Variants in SF3A1 observed in about 807,000 individuals in gnomAD.
The protein encoded by SF3A1 is splicing factor 3a subunit 1.
A neutral mutation model predicts 89.9 loss-of-function variants in SF3A1; 13 were observed. The observed-to-expected ratio is 0.14, with a 90% CI of 0.09 to 0.23. The LOEUF (loss-of-function observed/expected upper bound fraction) is 0.23, where lower values mean the gene tolerates loss of function less well. Among genes scored for constraint, SF3A1 ranks in the 10% least tolerant of loss-of-function variants. The pLI is 1.00. For missense variants in SF3A1, 604 were observed against 1,022.1 expected, an observed-to-expected ratio of 0.59 and a Z score of 5.58; for synonymous variants, 405 against 374.4, an observed-to-expected ratio of 1.08 and a Z score of -0.94.
intron 2 of SF3A1, among the ~76,000 whole-genome samples, chr22:30,351,631 G>A (rs1033057772): frequency 6.6e-6 from 1 of 152,124 alleles, no homozygotes; most frequent in Non-Finnish European, 1.5e-5. Context: ...CTCCTAAGTA[G>A]CTGGGATCAC....
intron 2 of SF3A1, among the ~76,000 whole-genome samples, chr22:30,346,803 T>C (rs1213712368): frequency 1.3e-5 from 2 of 152,206 alleles, no homozygotes. Context: ...ATCGCTCATT[T>C]CTTTTAATAA....
intron 7 of SF3A1, 100 bp downstream of exon 7, chr22:30,341,592 C>G: frequency 2.9e-6 from 2 of 684,986 alleles, no homozygotes; most frequent in Admixed American, 2.9e-5. Flanking sequence ...CGCCTCCTTT[C>G]AAGGCTCACA....
At chr22:30,350,294 AC>A (rs1188514673) in intron 2 of SF3A1, among the ~76,000 whole-genome samples, 1 of 142,716 alleles carries the variant, frequency 7.0e-6, no homozygotes, top group Non-Finnish European at 1.6e-5. Context: ...CCCCATCTAT[AC>A]AAAAAAACTA....
rs201878827 is a variant in SF3A1 at position 30,334,653 on chromosome 22, T to C, written c.2323A>G (p.Met775Val). The C allele has an allele frequency of 1.9e-6, 3 of 1,591,684 alleles. No individual in the cohort carries two copies. Among genetic ancestry groups the C allele is most frequent in the Non-Finnish European group, 2.6e-6 (3 of 1,172,482 alleles). ...KDSNSLAYYN[M>V]ANGAVIHLAL... The stretch of plus-strand genomic sequence containing the variant: ...AGGTGGATGACTGCGCCATTGGCCA[T>C]GTTGTAGTAAGCCAGTGAGTTGGAA... The change falls in exon 16 of 16, where the codon ATG becomes GTG. Residue 775 changes from methionine to valine, a missense_variant. Met to Val is a conservative substitution (Grantham distance 21). This residue lies in a region of SF3A1 where 74 missense variants were observed against 141.3 expected (regional missense o/e 0.52). Transcript: ENST00000215793.
intron 1 of SF3A1, chr22:30,356,505 C>T: frequency 5.0e-6 from 2 of 400,248 alleles, no homozygotes; most frequent in Non-Finnish European, 8.8e-6. Flanking sequence ...TTCTAAGAAG[C>T]TCCCGGCTCG....
At chr22:30,352,863 C>G in intron 2 of SF3A1, 88 bp downstream of exon 2, 1 of 1,507,116 alleles carries the variant, frequency 6.6e-7, no homozygotes, top group Non-Finnish European at 9.0e-7. Context: ...AAGCCAACAA[C>G]GTCTCTTTAA....
chr22:30,339,311 C>T, intron 9 of SF3A1, 60 bp from the exon 10 acceptor site: 1 of 1,600,758 alleles, frequency 6.2e-7, no homozygotes, highest in Non-Finnish European at 8.5e-7. Flanking sequence ...GGTGTCCTGA[C>T]AAGAGAGCAG....
In SF3A1 at chr22:30,336,667, A is replaced by G. The variant is rs201231012; in HGVS notation, c.2106+359T>C. ...TAGAGCTGGGGAGGAAGGCCACAGT[A>G]AATTTTAAAACACCACACACAATTT... On this transcript the variant is annotated intron_variant, in intron 13 of 15. Transcript: ENST00000215793. Among the ~76,000 whole-genome samples the G allele has an allele frequency of 4.6e-5, 7 of 152,148 alleles. No homozygotes were observed. The East Asian group carries it at 1.3e-3, about 29-fold the overall frequency.
intron 13 of SF3A1, among the ~76,000 whole-genome samples, chr22:30,336,279 G>A (rs1011303172): frequency 1.3e-5 from 2 of 152,210 alleles, no homozygotes; most frequent in Non-Finnish European, 2.9e-5. Context: ...AGCACTTTGG[G>A]AGGCCAGCGT....
At chr22:30,356,039 A>C (rs1601704995) in intron 1 of SF3A1, among the ~76,000 whole-genome samples, 1 of 152,250 alleles carries the variant, frequency 6.6e-6, no homozygotes, top group African/African-American at 2.4e-5. Flanking sequence ...TTTGTACCTG[A>C]AACTTCTATC....
rs2229807 is a variant in SF3A1 at position 30,337,122 on chromosome 22, C to A, written c.2010G>T (p.Val670=). The A allele has an allele frequency of 0.22, 357,136 of 1,613,584 alleles. 41,652 individuals carry two copies. The highest frequency in any genetic ancestry group is 0.27 in the Middle Eastern group (1,616 of 6,040). The change falls in exon 13 of 16, where the codon GTG becomes GTT. Residue 670 remains valine, a synonymous_variant. Coordinates refer to ENST00000215793, the MANE Select transcript of SF3A1 (RefSeq NM_005877.6). Reference sequence around the variant, plus strand: ...CATCTTCCATGGGAGGTGGGGGATGCACAGGGGGCATTGGGGCTGGAGCTG... The same window carrying A: ...CATCTTCCATGGGAGGTGGGGGATGAACAGGGGGCATTGGGGCTGGAGCTG... ...PVPAPAPMPP[V]HPPPPMEDEP...
intron 9 of SF3A1, 135 bp from the exon 10 acceptor site, chr22:30,339,386 T>C (rs1490754931): frequency 1.8e-6 from 2 of 1,097,058 alleles, no homozygotes; most frequent in African/African-American, 1.6e-5. Context: ...CCCCAACTCT[T>C]GTCCTCTGGG....
chr22:30,351,073 G>A (rs1931577775), intron 2 of SF3A1, among the ~76,000 whole-genome samples: 1 of 152,206 alleles, frequency 6.6e-6, no homozygotes. Flanking sequence ...GGCCCAGGTC[G>A]GGGGATCATT....
At chr22:30,354,618 C>T (rs1931701635) in intron 1 of SF3A1, among the ~76,000 whole-genome samples, 1 of 152,218 alleles carries the variant, frequency 6.6e-6, no homozygotes, top group Non-Finnish European at 1.5e-5. Flanking sequence ...TGTCCCAGAA[C>T]ACTCTTGTGT....
At position 30,342,793 on chromosome 22, in the gene SF3A1, T is replaced by C. The variant is rs1339723167; in HGVS notation, c.726+12A>G. 3 of 1,561,724 alleles carry C rather than the reference T, an allele frequency of 1.9e-6. No individual in the cohort carries two copies. The highest frequency in any genetic ancestry group is 2.2e-5 in the East Asian group (1 of 44,660). ...ACCAGTAACTGGTTGCAAGAAATGC[T>C]ATTCAGTTTACCTGATCCAAAACTT... On this transcript the variant is annotated intron_variant, in intron 5 of 15. Coordinates refer to ENST00000215793, the MANE Select transcript of SF3A1 (RefSeq NM_005877.6).
intron 1 of SF3A1, among the ~76,000 whole-genome samples, chr22:30,353,719 G>C (rs9608888): frequency 2.4e-4 from 36 of 152,082 alleles, no homozygotes; most frequent in Non-Finnish European, 4.7e-4. Flanking sequence ...TTTCTTTTTC[G>C]GGGAGCTCGG....
intron 7 of SF3A1, 98 bp downstream of exon 7, chr22:30,341,594 A>T: frequency 1.5e-6 from 1 of 688,994 alleles, no homozygotes; most frequent in Non-Finnish European, 2.3e-6. Flanking sequence ...CCTCCTTTCA[A>T]GGCTCACAGG....
intron 3 of SF3A1, 77 bp downstream of exon 3, chr22:30,346,235 G>A (rs1219024413): frequency 6.1e-6 from 6 of 986,298 alleles, no homozygotes; most frequent in African/African-American, 1.6e-5. Context: ...GAGATTTGGA[G>A]TTAATTGTGT....
Position 30,344,922 on chromosome 22 carries a change from T to C in SF3A1, c.651+11A>G, listed in dbSNP as rs748163896. The C allele has an allele frequency of 6.2e-7, 1 of 1,611,356 alleles. No individual in the cohort carries two copies. Among genetic ancestry groups the C allele is most frequent in the East Asian group, 2.2e-5 (1 of 44,820 alleles). On this transcript the variant is annotated intron_variant, in intron 4 of 15. Transcript: ENST00000215793. ...TGGGCCCAGGACCCCAGCCCCATCC[T>C]GCCCAGGCACCTTGGTGTACTGTTC...
Sources: allele counts gnomAD v4.1 joint callset (sites outside exome capture counted in the v4.1 genomes callset), GRCh38; gene constraint gnomAD v4.1.1; regional missense constraint gnomAD v4.1.1; transcripts MANE v1.5; gene names NCBI Gene and HGNC (gene_info 2026-07-23, HGNC 2026-07-21).